ZCCHC14: variants seen among roughly 807,000 people sequenced by gnomAD.
ZCCHC14 encodes the protein zinc finger CCHC domain-containing protein 14.
A neutral mutation model predicts 85.0 loss-of-function variants in ZCCHC14; 16 were observed. That is an observed-to-expected ratio of 0.19 (90% CI 0.13 to 0.29). The LOEUF (loss-of-function observed/expected upper bound fraction) is 0.29, where lower values mean the gene tolerates loss of function less well. Among genes scored for constraint, ZCCHC14 ranks in the 10% least tolerant of loss-of-function variants. The pLI is 1.00. For synonymous variants in ZCCHC14, 775 were observed against 630.7 expected (o/e 1.23, Z -3.43); for missense variants, 1,303 against 1,443.5 (o/e 0.90, Z 1.58).
intron 2 of ZCCHC14, among the ~76,000 whole-genome samples, chr16:87,457,165 T>G (rs1213716719): frequency 6.6e-6 from 1 of 152,198 alleles, no homozygotes; most frequent in African/African-American, 2.4e-5. Context: ...GTACGGGGTT[T>G]ACTAGGCTAC....
At chr16:87,450,708 G>C (rs557859673) in intron 2 of ZCCHC14, among the ~76,000 whole-genome samples, 6 of 151,696 alleles carry the variant, frequency 4.0e-5, no homozygotes, top group Admixed American at 2.6e-4. Flanking sequence ...GTGAGTAGCT[G>C]GGATTATAGG....
intron 1 of ZCCHC14, among the ~76,000 whole-genome samples, chr16:87,460,394 A>G (rs1911200982): frequency 6.6e-6 from 1 of 152,084 alleles, no homozygotes; most frequent in Non-Finnish European, 1.5e-5. Flanking sequence ...CACAGAAACT[A>G]TGGTAGCCAA....
At chr16:87,434,349 C>G (rs1026468740) in intron 2 of ZCCHC14, among the ~76,000 whole-genome samples, 1 of 152,228 alleles carries the variant, frequency 6.6e-6, no homozygotes, top group Non-Finnish European at 1.5e-5. Context: ...GCCCAACACA[C>G]CCGGCTCTGC....
intron 1 of ZCCHC14, among the ~76,000 whole-genome samples, chr16:87,461,305 T>TC (rs1567534358): frequency 1.3e-5 from 2 of 152,192 alleles, no homozygotes; most frequent in South Asian, 4.1e-4. Flanking sequence ...CTTCATTCCC[T>TC]CCCCATCAGT....
chr16:87,417,539 T>G lies in ZCCHC14; in HGVS notation c.1304A>C (p.Gln435Pro). 6.2e-7 allele frequency: 1 copy of G among 1,614,278 alleles called. No individual in the cohort carries two copies. Among genetic ancestry groups the G allele is most frequent in the Non-Finnish European group, 8.5e-7 (1 of 1,180,048 alleles). Residue 435 changes from glutamine to proline, a missense_variant, in exon 8 of 13, where the codon CAG (glutamine) becomes CCG (proline). Gln to Pro is a moderately conservative substitution (Grantham distance 76, BLOSUM62 -1). Transcript: ENST00000671377. ...SSLQTPQTQEQNGILDWLRKL... is the reference protein window; with the variant it reads ...SSLQTPQTQEPNGILDWLRKL... ...CCTAAGCCAGTCTAGAATCCCATTCTGCTCCTGGGTCTGAGGGGTCTGCAG... is the reference window on the plus strand; with the variant it reads ...CCTAAGCCAGTCTAGAATCCCATTCGGCTCCTGGGTCTGAGGGGTCTGCAG...
intron 2 of ZCCHC14, among the ~76,000 whole-genome samples, chr16:87,451,254 T>C (rs912649968): frequency 2.0e-5 from 3 of 146,946 alleles, no homozygotes; most frequent in Non-Finnish European, 4.5e-5. Flanking sequence ...TGGAATGCAA[T>C]GGCATGATCC....
At chr16:87,449,775 G>A (rs1323520865) in intron 2 of ZCCHC14, among the ~76,000 whole-genome samples, 2 of 152,130 alleles carry the variant, frequency 1.3e-5, no homozygotes, top group African/African-American at 2.4e-5. Context: ...CTGGGCATGG[G>A]GGCTCACGCT....
intron 1 of ZCCHC14, chr16:87,467,385 G>C: frequency 6.3e-7 from 1 of 1,599,080 alleles, no homozygotes; most frequent in South Asian, 1.1e-5. Context: ...AGAGAAACTG[G>C]GCACAGTTTA....
At chr16:87,410,911 A>G (rs1597395445) in intron 12 of ZCCHC14, among the ~76,000 whole-genome samples, 2 of 152,210 alleles carry the variant, frequency 1.3e-5, no homozygotes, top group African/African-American at 2.4e-5. Context: ...AGGTGGCACC[A>G]TGAGTTGTCA....
intron 1 of ZCCHC14, among the ~76,000 whole-genome samples, chr16:87,463,979 A>G (rs1225246773): frequency 2.0e-5 from 3 of 152,198 alleles, no homozygotes; most frequent in Admixed American, 2.0e-4. Context: ...ACCAGCACGC[A>G]CAGCTGAGAG....
chr16:87,432,205 G>A (rs1027314950), intron 3 of ZCCHC14, among the ~76,000 whole-genome samples: 4 of 152,248 alleles, frequency 2.6e-5, no homozygotes, highest in South Asian at 2.1e-4. Flanking sequence ...GTCAGCACTC[G>A]ATGCACATGT....
chr16:87,456,381 A>G (rs1023371656), intron 2 of ZCCHC14, among the ~76,000 whole-genome samples: 2 of 151,940 alleles, frequency 1.3e-5, no homozygotes, highest in Non-Finnish European at 2.9e-5. Flanking sequence ...ATATAAAAAA[A>G]TAGCCGGGCG....
At chr16:87,466,404 G>A (rs1911522783) in intron 1 of ZCCHC14, among the ~76,000 whole-genome samples, 1 of 152,222 alleles carries the variant, frequency 6.6e-6, no homozygotes. Context: ...CCCCACTGGT[G>A]GGCATTTGAA....
intron 1 of ZCCHC14, among the ~76,000 whole-genome samples, chr16:87,480,498 G>C (rs534160912): frequency 1.8e-4 from 28 of 152,212 alleles, no homozygotes; most frequent in Non-Finnish European, 3.7e-4. Flanking sequence ...ATATATGAGA[G>C]GTAGTCATTG....
chr16:87,412,319 C>A lies in ZCCHC14; in HGVS notation c.2402G>T (p.Ser801Ile). Residue 801 changes from serine to isoleucine, a missense_variant, in exon 12 of 13, where the codon AGT becomes ATT. Ser to Ile is a moderately radical substitution (Grantham distance 142). This residue lies in a region of ZCCHC14 where 797 missense variants were observed against 730.8 expected (regional missense o/e 1.09). Coordinates refer to ENST00000671377, the MANE Select transcript of ZCCHC14 (RefSeq NM_015144.3). ...GGGGTTTATTATTGCAGGGGGCACA[C>A]TTATTTGCACATTATTAGGACAGGA... ...QTSCPNNVQI[S>I]VPPAIINPRT... is the part of the protein sequence containing the mutation. The A allele has an allele frequency of 6.2e-7, 1 of 1,614,056 alleles. No homozygotes were observed.
At chr16:87,413,640 G>T (rs778510605) in intron 10 of ZCCHC14, among the ~76,000 whole-genome samples, 1 of 151,820 alleles carries the variant, frequency 6.6e-6, no homozygotes, top group Non-Finnish European at 1.5e-5. Context: ...GGCTCCTCTT[G>T]TGAGACAACG....
At chr16:87,482,949 T>C (rs1337009144) in intron 1 of ZCCHC14, among the ~76,000 whole-genome samples, 1 of 152,186 alleles carries the variant, frequency 6.6e-6, no homozygotes, top group African/African-American at 2.4e-5. Flanking sequence ...TACATGCATA[T>C]GTATAATATG....
intron 1 of ZCCHC14, chr16:87,471,623 G>C (rs981607989): frequency 2.6e-5 from 4 of 152,452 alleles, no homozygotes; most frequent in Admixed American, 2.6e-4. Flanking sequence ...CAGGTGCCAA[G>C]ACATCCCACC....
chr16:87,428,627 A>G (rs1412167057), intron 3 of ZCCHC14, among the ~76,000 whole-genome samples: 1 of 152,188 alleles, frequency 6.6e-6, no homozygotes, highest in African/African-American at 2.4e-5. Context: ...TGCTGTTCTG[A>G]TCTGAGGGCA....
Sources: gnomAD v4.1 joint callset for allele counts (sites outside exome capture counted in the v4.1 genomes callset) on GRCh38, gnomAD v4.1.1 for gene constraint, gnomAD v4.1.1 regional missense constraint, MANE v1.5 for transcripts, NCBI Gene and HGNC (gene_info 2026-07-23, HGNC 2026-07-21) for gene names.